Variants in FRMD7 observed in about 807,000 individuals in gnomAD.
FRMD7 encodes the protein FERM domain containing 7, also known as FERM domain-containing protein 7.
A neutral mutation model predicts 44.1 loss-of-function variants in FRMD7; 14 were observed. The observed-to-expected ratio is 0.32, with a 90% CI of 0.21 to 0.50. FRMD7 has a LOEUF of 0.50. Among genes scored for constraint, FRMD7 ranks in the 20% least tolerant of loss-of-function variants. The pLI is 0.99. For missense variants in FRMD7, 501 were observed against 522.3 expected, an observed-to-expected ratio of 0.96 and a Z score of 0.40; for synonymous variants, 212 against 187.4, an observed-to-expected ratio of 1.13 and a Z score of -1.07.
At chrX:132,084,960 G>T (rs1388740075) in intron 7 of FRMD7, among the ~76,000 whole-genome samples, 1 of 111,465 alleles carries the variant, frequency 9.0e-6, no homozygotes, top group Non-Finnish European at 1.9e-5. Flanking sequence ...ACCTTCAATA[G>T]CTCCTCACTG....
Position 132,091,822 on chromosome X carries a change from G to A in FRMD7, c.382+2220C>T, listed in dbSNP as rs762420257. Among the ~76,000 whole-genome samples, 28 of 111,394 alleles carry A rather than the reference G, an allele frequency of 2.5e-4. No homozygotes were observed. The East Asian group carries it at 7.8e-3, about 31-fold the overall frequency. On this transcript the variant is annotated intron_variant, in intron 5 of 11. Transcript: ENST00000298542. ...TGCACTCCAGCCTGGCTGATAGCGT[G>A]AGACCCCATCTCAAAAAATAATATT...
At chrX:132,116,015 A>C (rs1055249085) in intron 1 of FRMD7, among the ~76,000 whole-genome samples, 3 of 111,604 alleles carry the variant, frequency 2.7e-5, no homozygotes, top group Non-Finnish European at 5.6e-5. Flanking sequence ...ACATGTGTGC[A>C]GGGCTGGTCC....
chrX:132,099,441 C>G, intron 3 of FRMD7, 27 bp downstream of exon 3: 7 of 1,163,189 alleles, frequency 6.0e-6, no homozygotes, highest in Non-Finnish European at 8.2e-6. Flanking sequence ...TGTGAACTCT[C>G]TTCCTTAAAT....
At chrX:132,111,020 AT>A (rs1466986079) in intron 1 of FRMD7, among the ~76,000 whole-genome samples, 7 of 110,933 alleles carry the variant, frequency 6.3e-5, no homozygotes, top group Non-Finnish European at 1.3e-4. Flanking sequence ...CCCTGTCTCT[AT>A]AAAAATTAAA....
At chrX:132,082,031 T>C (rs1045300805) in intron 9 of FRMD7, among the ~76,000 whole-genome samples, 6 of 112,021 alleles carry the variant, frequency 5.4e-5, no homozygotes, top group Admixed American at 3.8e-4. Flanking sequence ...CAAAGGATGC[T>C]GTTGAGCTTT....
chrX:132,084,668 C>T, intron 7 of FRMD7, 83 bp from the exon 8 acceptor site: 1 of 595,605 alleles, frequency 1.7e-6, no homozygotes, highest in Non-Finnish European at 2.9e-6. Flanking sequence ...AGAAAATGCA[C>T]TTAATGAGAG....
chrX:132,126,283 A>G (rs1929155990), intron 1 of FRMD7, among the ~76,000 whole-genome samples: 1 of 111,948 alleles, frequency 8.9e-6, no homozygotes, highest in Admixed American at 9.5e-5. Flanking sequence ...CCACAGAGCA[A>G]AAGGGATCAC....
intron 8 of FRMD7, among the ~76,000 whole-genome samples, chrX:132,083,868 C>T (rs528107405): frequency 9.0e-6 from 1 of 111,435 alleles, no homozygotes; most frequent in Non-Finnish European, 1.9e-5. Flanking sequence ...AAGGCTGAGG[C>T]GGTAGGATCA....
chrX:132,099,806 T>G (rs2124251332), intron 2 of FRMD7, among the ~76,000 whole-genome samples: 1 of 112,087 alleles, frequency 8.9e-6, no homozygotes, highest in South Asian at 3.7e-4. Context: ...GGCTCATTAG[T>G]TGCTACAAAG....
chrX:132,111,859 C>T (rs942795074), intron 1 of FRMD7, among the ~76,000 whole-genome samples: 1 of 111,995 alleles, frequency 8.9e-6, no homozygotes, highest in Non-Finnish European at 1.9e-5. Flanking sequence ...TCCTTCACCT[C>T]GACTGAGCTC....
At chrX:132,121,791 T>G (rs779211049) in intron 1 of FRMD7, among the ~76,000 whole-genome samples, 22 of 111,839 alleles carry the variant, frequency 2.0e-4, no homozygotes, top group Admixed American at 1.8e-3. Flanking sequence ...CTGTGAATAA[T>G]GACCATGGAA....
At chrX:132,115,008 G>A (rs768869390) in intron 1 of FRMD7, among the ~76,000 whole-genome samples, 1 of 112,483 alleles carries the variant, frequency 8.9e-6, no homozygotes, top group African/African-American at 3.2e-5. Context: ...CTCCTTGACC[G>A]ATCACCACAT....
At chrX:132,112,676 C>G in intron 1 of FRMD7, among the ~76,000 whole-genome samples, 1 of 111,554 alleles carries the variant, frequency 9.0e-6, no homozygotes, top group South Asian at 3.8e-4. Context: ...GCCCACGTGA[C>G]TATCCTGGGG....
intron 1 of FRMD7, 72 bp from the exon 2 acceptor site, chrX:132,100,788 G>A (rs878903886): frequency 3.5e-4 from 254 of 717,876 alleles, no homozygotes; most frequent in Admixed American, 5.7e-4. Context: ...ATAAAGGGTA[G>A]AAGCCACAAG....
rs1259998872 is a variant in FRMD7 at position 132,078,955 on chromosome X, C to G, written c.1062G>C (p.Leu354Phe). The change falls in exon 12 of 12, where the codon TTG becomes TTC. Residue 354 changes from leucine to phenylalanine, a missense_variant. Transcript: ENST00000298542. The part of the protein sequence containing the change: ...LSDVSKQVED[L>F]RLAYGGGYYQ... Reference sequence around the variant, plus strand: ...AGTAGCCACCACCATATGCTAGTCTCAAATCTTCCACCTTGAGAGAATGGA... The same window carrying G: ...AGTAGCCACCACCATATGCTAGTCTGAAATCTTCCACCTTGAGAGAATGGA... 8.3e-7 allele frequency: 1 copy of G among 1,208,371 alleles called. No homozygotes were observed. The highest frequency in any genetic ancestry group is 2.2e-5 in the Admixed American group (1 of 45,976).
At position 132,094,139 on chromosome X, in the gene FRMD7, C is replaced by A. The variant is rs1254924843; in HGVS notation, c.285G>T (p.Arg95Ser). The A allele has an allele frequency of 2.8e-6, 3 of 1,066,388 alleles. No homozygotes were observed. In the African/African-American group the frequency reaches 5.5e-5, roughly 19 times the overall value. 87.9% of individuals were successfully genotyped at this position (1,066,388 alleles called of 1,213,427 possible). ...TCTTTATTTGAAGAGTAAAAAGATA[C>A]CTGCAAAGAAATTGGGGAGAATCTC... Reference protein sequence around the residue: ...DPGHLREELTRYLFTLQIKKD... With the variant: ...DPGHLREELTSYLFTLQIKKD... The change falls in exon 5 of 12, where the codon AGG becomes AGT. Residue 95 changes from arginine to serine, a missense_variant and splice_region_variant. By Grantham distance (110) the Arg-to-Ser change is moderately radical. This residue lies in a region of FRMD7 where 24 missense variants were observed against 48.0 expected (regional missense o/e 0.50). Coordinates refer to ENST00000298542, the MANE Select transcript of FRMD7 (RefSeq NM_194277.3).
At chrX:132,112,639 A>C (rs1312109926) in intron 1 of FRMD7, among the ~76,000 whole-genome samples, 1 of 111,782 alleles carries the variant, frequency 8.9e-6, no homozygotes, top group Non-Finnish European at 1.9e-5. Flanking sequence ...AACGTTTCTT[A>C]GGATTAACTG....
rs1205057452 is a variant in FRMD7 at position 132,077,624 on chromosome X, C to A, written c.*248G>T. On this transcript the variant is annotated 3_prime_UTR_variant, in exon 12 of 12. Coordinates refer to ENST00000298542, the MANE Select transcript of FRMD7 (RefSeq NM_194277.3). ...AAGTATGCAGTGGAGATGACAAATA[C>A]CCACCTTGCCTTGCCACAGTGCTGG... The A allele has an allele frequency of 1.2e-5, 5 of 401,407 alleles. No individual in the cohort carries two copies. Among genetic ancestry groups the A allele is most frequent in the Non-Finnish European group, 2.2e-5 (5 of 229,884 alleles). 33.1% of individuals were successfully genotyped at this position (401,407 alleles called of 1,213,427 possible).
At chrX:132,106,505 C>A (rs1569346538) in intron 1 of FRMD7, among the ~76,000 whole-genome samples, 1 of 111,734 alleles carries the variant, frequency 8.9e-6, no homozygotes, top group Non-Finnish European at 1.9e-5. Context: ...CCATTGGACC[C>A]AGCAATCCCA....
Sources: allele counts gnomAD v4.1 joint callset (sites outside exome capture counted in the v4.1 genomes callset), GRCh38; gene constraint gnomAD v4.1.1; regional missense constraint gnomAD v4.1.1; transcripts MANE v1.5; gene names NCBI Gene and HGNC (gene_info 2026-07-23, HGNC 2026-07-21).